ILRUN: variants seen among roughly 807,000 people sequenced by gnomAD.
The protein encoded by ILRUN is protein ILRUN.
Under a neutral mutation model 33.8 loss-of-function variants are expected in ILRUN, and 3 were observed. The observed-to-expected ratio is 0.09, with a 90% CI of 0.04 to 0.23. The LOEUF is 0.23. Ranked by LOEUF, ILRUN falls within the 10% of genes least tolerant of loss-of-function variation. The pLI is 1.00. For missense variants in ILRUN, 210 were observed against 375.1 expected, an observed-to-expected ratio of 0.56 and a Z score of 3.64; for synonymous variants, 124 against 138.9, an observed-to-expected ratio of 0.89 and a Z score of 0.75.
At position 34,686,427 on chromosome 6, in the gene ILRUN, G is replaced by A. The variant is rs1284507182; in HGVS notation, c.158+10019C>T. Among the ~76,000 whole-genome samples the A allele has an allele frequency of 1.3e-3, 192 of 149,680 alleles. No homozygotes were observed. The East Asian group carries it at 0.02, about 16-fold the overall frequency. ...AGGCAGGAGAATGGCGTGAACCCAG[G>A]AGGCGGAGCTTGCAGTGAGCCGAGA... On this transcript the variant is annotated intron_variant, in intron 1 of 4. Transcript: ENST00000374023.
intron 3 of ILRUN, among the ~76,000 whole-genome samples, chr6:34,612,913 G>A (rs1022991032): frequency 8.6e-5 from 13 of 152,010 alleles, no homozygotes; most frequent in Non-Finnish European, 1.2e-4. Context: ...CATGGTGGTG[G>A]GCACCTGTAG....
In ILRUN at chr6:34,637,864, C is replaced by CTGTTGTTGTTGT. The variant is rs57559266; in HGVS notation, c.511+8725_511+8736dup. Among the ~76,000 whole-genome samples, 784 of 142,008 alleles carry CTGTTGTTGTTGT rather than the reference C, an allele frequency of 5.5e-3. 2 individuals are homozygous for CTGTTGTTGTTGT. Among genetic ancestry groups the CTGTTGTTGTTGT allele is most frequent in the East Asian group, 0.017 (81 of 4,702 alleles). The allele number at this position is 142,008 out of a possible 152,430, so 93.2% of individuals were successfully genotyped here. On this transcript the variant is annotated intron_variant, in intron 3 of 4. Coordinates refer to ENST00000374023, the MANE Select transcript of ILRUN (RefSeq NM_024294.4). ...GTTGTTGCTGCTGCTGCTGCTGCTGCTGTTGTTGTTGTTGTTGTTGTTGTT... is the reference window on the plus strand; with the variant it reads ...GTTGTTGCTGCTGCTGCTGCTGCTGCTGTTGTTGTTGTTGTTGTTGTTGTTGTTGTTGTTGTT...
chr6:34,593,964 G>C (rs1477420758), intron 4 of ILRUN, among the ~76,000 whole-genome samples: 2 of 152,096 alleles, frequency 1.3e-5, no homozygotes, highest in Non-Finnish European at 2.9e-5. Context: ...TCTGGATGGA[G>C]GTACTTTCAA....
intron 4 of ILRUN, among the ~76,000 whole-genome samples, chr6:34,595,541 A>C (rs1361150441): frequency 6.6e-6 from 1 of 152,212 alleles, no homozygotes; most frequent in Non-Finnish European, 1.5e-5. Context: ...GAATGAATGA[A>C]TTATGAAATA....
chr6:34,609,262 G>A (rs1761695035), intron 3 of ILRUN, among the ~76,000 whole-genome samples: 1 of 152,234 alleles, frequency 6.6e-6, no homozygotes, highest in Non-Finnish European at 1.5e-5. Context: ...GCCGAGGTGG[G>A]TGGATCACTT....
rs1763566007 is a variant in ILRUN at position 34,688,130 on chromosome 6, G to A, written c.158+8316C>T. Reference sequence around the variant, plus strand: ...AGAGTGAGGCCAGGGGTGGGGGTTGGGGGGTGGCTCATGCCTGTAATCCCA... The same window carrying A: ...AGAGTGAGGCCAGGGGTGGGGGTTGAGGGGTGGCTCATGCCTGTAATCCCA... On this transcript the variant is annotated intron_variant, in intron 1 of 4. Transcript: ENST00000374023. 2.0e-5 allele frequency among the ~76,000 whole-genome samples: 3 copies of A among 152,306 alleles called. No homozygotes were observed. In the South Asian group the frequency reaches 6.2e-4, roughly 32 times the overall value.
chr6:34,671,958 TC>T (rs1425910265), intron 1 of ILRUN: 1 of 152,226 alleles, frequency 6.6e-6, no homozygotes, highest in Non-Finnish European at 1.5e-5. Flanking sequence ...AGGTTACACA[TC>T]TGCTTAACCC....
At position 34,683,513 on chromosome 6, in the gene ILRUN, TACATATATATATATAC is replaced by T. The variant is rs1562033372; in HGVS notation, c.158+12917_158+12932del. 5.3e-3 allele frequency among the ~76,000 whole-genome samples: 542 copies of T among 103,008 alleles called. 17 individuals are homozygous for T. Among genetic ancestry groups the T allele is most frequent in the African/African-American group, 0.018 (461 of 25,360 alleles). The allele number at this position is 103,008 out of a possible 152,430, so 67.6% of individuals were successfully genotyped here. A position where few individuals can be genotyped will look rare whatever the true frequency, so the allele number is the denominator to read the frequency against. ...ATATATATATACATATATATATATATACATATATATATATACATATTGCACAGAATATTCTGTGCAA... is the reference window on the plus strand; with the variant it reads ...ATATATATATACATATATATATATATATATTGCACAGAATATTCTGTGCAA... On this transcript the variant is annotated intron_variant, in intron 1 of 4. Coordinates refer to ENST00000374023, the MANE Select transcript of ILRUN (RefSeq NM_024294.4).
At chr6:34,672,840 G>A (rs955587718) in intron 1 of ILRUN, among the ~76,000 whole-genome samples, 3 of 152,030 alleles carry the variant, frequency 2.0e-5, no homozygotes, top group South Asian at 4.1e-4. Context: ...GAAATTTTCC[G>A]ATAACAAGAG....
intron 1 of ILRUN, among the ~76,000 whole-genome samples, chr6:34,674,571 A>C (rs1763187713): frequency 6.6e-6 from 1 of 152,212 alleles, no homozygotes; most frequent in Admixed American, 6.5e-5. Context: ...AAACCCAAAA[A>C]TCAGTTGAAA....
rs1309059164 is a variant in ILRUN, at chr6:34,614,457, A to ATATAT, written c.512-7554_512-7553insATATA. ...AAAAAAAAAAAAATATATATATATA[A>ATATAT]AATGTATATTATATATTTTTTATAT... On this transcript the variant is annotated intron_variant, in intron 3 of 4. Coordinates refer to ENST00000374023, the MANE Select transcript of ILRUN (RefSeq NM_024294.4). 9.8e-4 allele frequency among the ~76,000 whole-genome samples: 131 copies of ATATAT among 133,860 alleles called. 2 individuals carry two copies. Among genetic ancestry groups the ATATAT allele is most frequent in the African/African-American group, 1.9e-3 (62 of 32,054 alleles). The allele number at this position is 133,860 out of a possible 152,430, so 87.8% of individuals were successfully genotyped here.
intron 1 of ILRUN, among the ~76,000 whole-genome samples, chr6:34,678,832 G>A (rs866688400): frequency 7.5e-4 from 67 of 89,430 alleles, no homozygotes; most frequent in Admixed American, 7.5e-3. Context: ...TCCAGACTCC[G>A]TCTCAAAAAA....
chr6:34,667,651 G>C (rs560913500), intron 1 of ILRUN, among the ~76,000 whole-genome samples: 3 of 152,300 alleles, frequency 2.0e-5, no homozygotes, highest in South Asian at 2.1e-4. Context: ...AGCATAGTCA[G>C]TAATAGGACA....
At chr6:34,616,984 TG>T (rs1761904825) in intron 3 of ILRUN, 1 of 549,330 alleles carries the variant, frequency 1.8e-6, no homozygotes, top group Non-Finnish European at 3.5e-6. Context: ...TCTACAAGCA[TG>T]GTTATGGCAA....
rs1196191387 is a variant in ILRUN, at chr6:34,588,319, AC to A, written c.*2245del. 1 of 397,982 alleles carries A rather than the reference AC, an allele frequency of 2.5e-6. No homozygotes were observed. Among genetic ancestry groups the A allele is most frequent in the African/African-American group, 2.1e-5 (1 of 48,614 alleles). 24.7% of individuals were successfully genotyped at this position (397,982 alleles called of 1,614,324 possible). A position where few individuals can be genotyped will look rare whatever the true frequency, so the allele number is the denominator to read the frequency against. On this transcript the variant is annotated 3_prime_UTR_variant, in exon 5 of 5. Transcript: ENST00000374023. ...AGCAAGACGACTCTGGCAGGCCCAG[AC>A]CCACTGACGGTGGCCCATGAAGCCC...
At chr6:34,638,412 T>C (rs1172541917) in intron 3 of ILRUN, among the ~76,000 whole-genome samples, 1 of 152,164 alleles carries the variant, frequency 6.6e-6, no homozygotes, top group Non-Finnish European at 1.5e-5. Context: ...CTAGAATTTC[T>C]CTTATCAAAA....
intron 2 of ILRUN, among the ~76,000 whole-genome samples, chr6:34,648,475 G>A: frequency 6.6e-6 from 1 of 152,236 alleles, no homozygotes; most frequent in East Asian, 1.9e-4. Context: ...TAAAGCAGTG[G>A]CCACTATGTT....
In ILRUN at chr6:34,683,489, TATATATATAC is replaced by T. The variant is rs1562033168; in HGVS notation, c.158+12947_158+12956del. The stretch of plus-strand genomic sequence containing the variant: ...ATATATATACACATATATATATACA[TATATATATAC>T]ATATATATATATATACATATATATA... On this transcript the variant is annotated intron_variant, in intron 1 of 4. Coordinates refer to ENST00000374023, the MANE Select transcript of ILRUN (RefSeq NM_024294.4). Among the ~76,000 whole-genome samples, 43 of 91,208 alleles carry T rather than the reference TATATATATAC, an allele frequency of 4.7e-4. 1 individual carries two copies. Among genetic ancestry groups the T allele is most frequent in the East Asian group, 2.1e-3 (7 of 3,260 alleles). The allele number at this position is 91,208 out of a possible 152,430, so 59.8% of individuals were successfully genotyped here.
intron 3 of ILRUN, among the ~76,000 whole-genome samples, chr6:34,641,463 T>C (rs1260478747): frequency 6.6e-6 from 1 of 152,198 alleles, no homozygotes; most frequent in African/African-American, 2.4e-5. Flanking sequence ...CTGGAGCAGA[T>C]AAAGGTTGGC....
Sources: gnomAD v4.1 joint callset for allele counts (sites outside exome capture counted in the v4.1 genomes callset) on GRCh38, gnomAD v4.1.1 for gene constraint, MANE v1.5 for transcripts, NCBI Gene and HGNC (gene_info 2026-07-23, HGNC 2026-07-21) for gene names.